NCOA1: variants seen among roughly 807,000 people sequenced by gnomAD.
NCOA1 encodes the protein Hin-2 protein.
NCOA1 carries 35 observed loss-of-function variants against 150.9 expected under a neutral mutation model. That is an observed-to-expected ratio of 0.23 (90% CI 0.18 to 0.31). The LOEUF is 0.31. Ranked by LOEUF, NCOA1 falls within the 10% of genes least tolerant of loss-of-function variation. The pLI, the probability that NCOA1 is intolerant of heterozygous loss-of-function variation, is 1.00. For missense variants in NCOA1, 1,491 were observed against 1,749.3 expected (o/e 0.85, Z 2.63); for synonymous variants, 590 against 630.0 (o/e 0.94, Z 0.95).
chr2:24,495,554 GCA>G, intron 1 of NCOA1, among the ~76,000 whole-genome samples: 1 of 152,192 alleles, frequency 6.6e-6, no homozygotes, highest in Non-Finnish European at 1.5e-5. Context: ...TGACCATTAG[GCA>G]CAGACAGGCC....
chr2:24,515,976 T>C (rs1424842880), intron 1 of NCOA1, among the ~76,000 whole-genome samples: 1 of 152,148 alleles, frequency 6.6e-6, no homozygotes, highest in African/African-American at 2.4e-5. Flanking sequence ...GTTCTACTTC[T>C]GCTCTTTGTT....
chr2:24,503,028 G>A (rs1663530085), intron 1 of NCOA1, among the ~76,000 whole-genome samples: 1 of 152,132 alleles, frequency 6.6e-6, no homozygotes, highest in South Asian at 2.1e-4. Flanking sequence ...TTTGTCCTCT[G>A]CAGTGTCTTA....
intron 3 of NCOA1, among the ~76,000 whole-genome samples, chr2:24,590,176 C>G (rs1037861992): frequency 6.6e-6 from 1 of 152,046 alleles, no homozygotes; most frequent in African/African-American, 2.4e-5. Context: ...ATTTCTTTCT[C>G]TTTTCATTTT....
chr2:24,647,403 T>C, intron 4 of NCOA1, among the ~76,000 whole-genome samples: 1 of 152,180 alleles, frequency 6.6e-6, no homozygotes, highest in East Asian at 1.9e-4. Flanking sequence ...TAACATGGAT[T>C]ATAATATTAC....
intron 3 of NCOA1, among the ~76,000 whole-genome samples, chr2:24,625,953 T>C (rs768689354): frequency 3.0e-4 from 46 of 152,214 alleles, no homozygotes; most frequent in Non-Finnish European, 5.9e-4. Flanking sequence ...TGAAATTACA[T>C]GTACTCAAAA....
intron 1 of NCOA1, among the ~76,000 whole-genome samples, chr2:24,549,959 C>A (rs1194248608): frequency 6.6e-6 from 1 of 152,158 alleles, no homozygotes; most frequent in Non-Finnish European, 1.5e-5. Flanking sequence ...CCGCCAGATA[C>A]CCTAAATCAT....
At chr2:24,753,450 A>C (rs937920132) in intron 20 of NCOA1, among the ~76,000 whole-genome samples, 5 of 151,978 alleles carry the variant, frequency 3.3e-5, no homozygotes, top group African/African-American at 1.2e-4. Flanking sequence ...TTAAAAGATT[A>C]TACTCTATCC....
At position 24,587,266 on chromosome 2, in the gene NCOA1, A is replaced by G. The variant is rs541925315; in HGVS notation, c.-175+2706A>G. Reference sequence around the variant, plus strand: ...TGGGACTCTGCCCACCCTCAGGTCAAAGTGGTAGATAAAGGAAGGATTAAA... The same window carrying G: ...TGGGACTCTGCCCACCCTCAGGTCAGAGTGGTAGATAAAGGAAGGATTAAA... On this transcript the variant is annotated intron_variant, in intron 3 of 22. Coordinates refer to ENST00000348332, the MANE Select transcript of NCOA1 (RefSeq NM_003743.5). Among the ~76,000 whole-genome samples the G allele has an allele frequency of 7.4e-4, 112 of 152,228 alleles. 1 individual carries two copies. The highest frequency in any genetic ancestry group is 2.6e-3 in the African/African-American group (107 of 41,524).
intron 14 of NCOA1, among the ~76,000 whole-genome samples, chr2:24,725,270 A>G (rs776757453): frequency 2.6e-5 from 4 of 152,194 alleles, no homozygotes; most frequent in South Asian, 2.1e-4. Context: ...TTGGGCTACT[A>G]TAACAAAATA....
At chr2:24,763,616 C>CTCTTTTTTTTT (rs1250283392) in intron 22 of NCOA1, among the ~76,000 whole-genome samples, 3 of 85,312 alleles carry the variant, frequency 3.5e-5, no homozygotes, top group African/African-American at 1.4e-4. Context: ...GTCTCTCTCT[C>CTCTTTTTTTTT]TTTTTTTTTT....
intron 3 of NCOA1, among the ~76,000 whole-genome samples, chr2:24,638,002 A>G (rs1367329043): frequency 6.6e-6 from 1 of 150,558 alleles, no homozygotes; most frequent in Non-Finnish European, 1.5e-5. Context: ...GGCCGAAACT[A>G]TACAATATAT....
chr2:24,513,883 A>T (rs1664040159), intron 1 of NCOA1, among the ~76,000 whole-genome samples: 1 of 152,162 alleles, frequency 6.6e-6, no homozygotes, highest in South Asian at 2.1e-4. Flanking sequence ...TGTAGAAAAC[A>T]TTTATTCTAG....
At position 24,770,595 on chromosome 2, in the gene NCOA1, G is replaced by T; in HGVS notation, c.*2204G>T. On this transcript the variant is annotated 3_prime_UTR_variant, in exon 23 of 23. Coordinates refer to ENST00000348332, the MANE Select transcript of NCOA1 (RefSeq NM_003743.5). The stretch of plus-strand genomic sequence containing the variant: ...TAGAATTTGTTTAACAACCTCATGG[G>T]TTGCCTCTTCATTTACAGGGAAGAA... 4.8e-6 allele frequency: 1 copy of T among 210,408 alleles called. No individual in the cohort carries two copies. The highest frequency in any genetic ancestry group is 2.3e-5 in the African/African-American group (1 of 44,108). 13.0% of individuals were successfully genotyped at this position (210,408 alleles called of 1,614,324 possible).
rs1411180196 is a variant in NCOA1, at chr2:24,691,562, A to G, written c.614A>G (p.Asp205Gly). ...TGCAGGATGCTAATTCACCCTCCAG[A>G]TGAGCCAGGGACCGAGAACCAAGAA... ...FNCRMLIHPP[D>G]EPGTENQEAC... is the part of the protein sequence containing the mutation. The change falls in exon 9 of 23, where the codon GAT (aspartate) becomes GGT (glycine). Residue 205 changes from aspartate to glycine, a missense_variant. Around this residue, in one of 8 missense-constraint regions of NCOA1, gnomAD observed 99 missense variants for 122.8 expected, o/e 0.81. Transcript: ENST00000348332. 1 of 1,614,078 alleles carries G rather than the reference A, an allele frequency of 6.2e-7. No homozygotes were observed. The highest frequency in any genetic ancestry group is 2.2e-5 in the East Asian group (1 of 44,890).
At chr2:24,757,601 A>G (rs1664565061) in intron 20 of NCOA1, among the ~76,000 whole-genome samples, 1 of 152,110 alleles carries the variant, frequency 6.6e-6, no homozygotes, top group African/African-American at 2.4e-5. Flanking sequence ...GAAGATATAT[A>G]TATATATGTA....
chr2:24,663,590 A>C (rs1252531386), intron 5 of NCOA1, among the ~76,000 whole-genome samples: 3 of 152,238 alleles, frequency 2.0e-5, no homozygotes, highest in Non-Finnish European at 2.9e-5. Context: ...GAATGGTAAT[A>C]AAAGGGATTC....
chr2:24,576,283 G>A (rs185009181), intron 2 of NCOA1, among the ~76,000 whole-genome samples: 21 of 147,818 alleles, frequency 1.4e-4, no homozygotes, highest in Non-Finnish European at 3.0e-4. Flanking sequence ...TCCTTTGCAT[G>A]TCTCCAAGGC....
intron 6 of NCOA1, among the ~76,000 whole-genome samples, chr2:24,667,767 T>C (rs1010166834): frequency 6.6e-6 from 1 of 152,358 alleles, no homozygotes; most frequent in East Asian, 1.9e-4. Flanking sequence ...CTGTTCCTTC[T>C]GTCTGGAATG....
Position 24,758,001 on chromosome 2 carries a change from C to T in NCOA1, c.3910C>T (p.Pro1304Ser). The T allele has an allele frequency of 6.2e-7, 1 of 1,613,990 alleles. No individual in the cohort carries two copies. Residue 1304 changes from proline to serine, a missense_variant, in exon 21 of 23, where the codon CCC becomes TCC. Physicochemically the swap from Pro to Ser is moderately conservative, Grantham distance 74. Around this residue, in one of 8 missense-constraint regions of NCOA1, gnomAD observed 485 missense variants for 522.8 expected, o/e 0.93. Transcript: ENST00000348332. ...NVFSQAVQNQPTPAQPGVYNN... is the reference protein window; with the variant it reads ...NVFSQAVQNQSTPAQPGVYNN... ...GTTCAGTCAAGCTGTCCAGAACCAGCCCACGCCTGCACAGCCAGGAGTATA... is the reference window on the plus strand; with the variant it reads ...GTTCAGTCAAGCTGTCCAGAACCAGTCCACGCCTGCACAGCCAGGAGTATA...
Sources: gnomAD v4.1 joint callset for allele counts (sites outside exome capture counted in the v4.1 genomes callset) on GRCh38, gnomAD v4.1.1 for gene constraint, gnomAD v4.1.1 regional missense constraint, MANE v1.5 for transcripts, NCBI Gene and HGNC (gene_info 2026-07-23, HGNC 2026-07-21) for gene names.